SPNS1: variants seen among roughly 807,000 people sequenced by gnomAD.
SPNS1 encodes SPNS lysolipid transporter 1, lysophospholipid.
SPNS1 carries 22 observed loss-of-function variants against 50.3 expected under a neutral mutation model. That is an observed-to-expected ratio of 0.44 (90% CI 0.31 to 0.62). SPNS1 has a LOEUF of 0.62. Among genes scored for constraint, SPNS1 ranks in the 20% least tolerant of loss-of-function variants. SPNS1 has a pLI of 0.07. For missense variants in SPNS1, 576 were observed against 728.6 expected, an observed-to-expected ratio of 0.79 and a Z score of 2.41; for synonymous variants, 295 against 317.4, an observed-to-expected ratio of 0.93 and a Z score of 0.75.
chr16:28,983,221 C>T lies in SPNS1; in HGVS notation c.1251C>T (p.Thr417=), dbSNP rs145586651. Reference sequence around the variant, plus strand: ...TGGTGATCCCTACCCGACGCTCCACCGCCGAGGCCTTCCAGATCGTGCTGT... The same window carrying T: ...TGGTGATCCCTACCCGACGCTCCACTGCCGAGGCCTTCCAGATCGTGCTGT... ...LYVVIPTRRS[T]AEAFQIVLSH... The change falls in exon 10 of 12, where the codon ACC becomes ACT. Residue 417 remains threonine, a synonymous_variant. Coordinates refer to ENST00000311008, the MANE Select transcript of SPNS1 (RefSeq NM_032038.3). This position sits in a 1 kb window ranked among gnomAD's most constrained non-coding sequence, Gnocchi z 5.4. 2,141 of 1,614,038 alleles carry T rather than the reference C, an allele frequency of 1.3e-3. 2 individuals carry two copies. Among genetic ancestry groups the T allele is most frequent in the Non-Finnish European group, 1.6e-3 (1,893 of 1,179,966 alleles).
In SPNS1 at chr16:28,981,726, C is replaced by T. The variant is rs1046839783; in HGVS notation, c.809+111C>T. ...CACACCCCAAGGCCAGTAATTCGGT[C>T]GATACTGTCCCCTTGTGGCAGCTGC... On this transcript the variant is annotated intron_variant, in intron 6 of 11. Coordinates refer to ENST00000311008, the MANE Select transcript of SPNS1 (RefSeq NM_032038.3). The surrounding 1 kb of genome is among the most constrained non-coding windows in gnomAD (Gnocchi z 4.2). 2.0e-5 allele frequency: 30 copies of T among 1,519,908 alleles called. No individual in the cohort carries two copies. In the East Asian group the frequency reaches 3.2e-4, roughly 16 times the overall value. 94.2% of individuals were successfully genotyped at this position (1,519,908 alleles called of 1,614,324 possible).
rs1965289242 is a variant in SPNS1, at chr16:28,975,114, T to C, written c.-38T>C. On this transcript the variant is annotated 5_prime_UTR_variant, in exon 1 of 12. Transcript: ENST00000311008. Reference sequence around the variant, plus strand: ...CTCCCCTCGCAGGTGGGATCGTCGGTGGGACCGGAGCGCGGGCGGGCGCGG... The same window carrying C: ...CTCCCCTCGCAGGTGGGATCGTCGGCGGGACCGGAGCGCGGGCGGGCGCGG... 1.4e-6 allele frequency: 2 copies of C among 1,463,772 alleles called. No individual in the cohort carries two copies. Among genetic ancestry groups the C allele is most frequent in the African/African-American group, 1.4e-5 (1 of 70,540 alleles). The allele number at this position is 1,463,772 out of a possible 1,614,324, so 90.7% of individuals were successfully genotyped here. A position where few individuals can be genotyped will look rare whatever the true frequency, so the allele number is the denominator to read the frequency against.
rs138285628 is a variant in SPNS1, at chr16:28,984,228, A to G, written c.1516A>G (p.Thr506Ala). The G allele has an allele frequency of 6.9e-6, 11 of 1,600,638 alleles. No individual in the cohort carries two copies. The African/African-American group carries it at 1.2e-4, about 17-fold the overall frequency. ...VQGLLHEAGS[T>A]DDRIVVPQRG... ...AGGCCTGCTGCACGAAGCAGGGTCCACAGACGACCGGATTGTGGTGCCCCA... is the reference window on the plus strand; with the variant it reads ...AGGCCTGCTGCACGAAGCAGGGTCCGCAGACGACCGGATTGTGGTGCCCCA... The change falls in exon 12 of 12, where the codon ACA becomes GCA. Residue 506 changes from threonine (T) to alanine (A), a missense_variant. By Grantham distance (58) the Thr-to-Ala change is moderately conservative. Coordinates refer to ENST00000311008, the MANE Select transcript of SPNS1 (RefSeq NM_032038.3).
downstream of SPNS1, chr16:28,984,721 A>G (rs1018574006): frequency 2.6e-6 from 2 of 767,132 alleles, no homozygotes; most frequent in Non-Finnish European, 4.4e-6. Flanking sequence ...GCTGAGTGTG[A>G]CCGTGAGTCA....
In SPNS1 at chr16:28,981,711, G is replaced by C. The variant is rs1965559352; in HGVS notation, c.809+96G>C. 5 of 1,551,448 alleles carry C rather than the reference G, an allele frequency of 3.2e-6. No homozygotes were observed. Among genetic ancestry groups the C allele is most frequent in the Non-Finnish European group, 4.4e-6 (5 of 1,143,954 alleles). On this transcript the variant is annotated intron_variant, in intron 6 of 11. Coordinates refer to ENST00000311008, the MANE Select transcript of SPNS1 (RefSeq NM_032038.3). The surrounding 1 kb of genome is among the most constrained non-coding windows in gnomAD (Gnocchi z 4.2). ...GTTCCTGTTCCTGGCCACACCCCAA[G>C]GCCAGTAATTCGGTCGATACTGTCC...
At chr16:28,976,145 G>A (rs538123747) in intron 2 of SPNS1, among the ~76,000 whole-genome samples, 2 of 152,236 alleles carry the variant, frequency 1.3e-5, no homozygotes, top group East Asian at 1.9e-4. Flanking sequence ...GGTAGCGAGC[G>A]CCTGTAATCC....
At chr16:28,982,253 C>A in intron 7 of SPNS1, 103 bp from the exon 8 acceptor site, 1 of 1,391,690 alleles carries the variant, frequency 7.2e-7, no homozygotes, top group Non-Finnish European at 9.8e-7. Flanking sequence ...CCATGGGGTG[C>A]TGTGTCTGTA....
intron 11 of SPNS1, 83 bp downstream of exon 11, chr16:28,984,040 C>T (rs564540512): frequency 4.0e-6 from 6 of 1,483,114 alleles, no homozygotes; most frequent in South Asian, 1.3e-5. Context: ...GTGCACCTGG[C>T]AGCTCAGTCC....
At position 28,979,235 on chromosome 16, in the gene SPNS1, T is replaced by C; in HGVS notation, c.525T>C (p.Ile175=). The C allele has an allele frequency of 4.3e-6, 7 of 1,614,154 alleles. No individual in the cohort carries two copies. Among genetic ancestry groups the C allele is most frequent in the Non-Finnish European group, 5.9e-6 (7 of 1,180,024 alleles). The stretch of plus-strand genomic sequence containing the variant: ...ATTCCACCATCGCGCCCACTCTCAT[T>C]GCCGACCTCTTTGTGGCCGACCAGC... The part of the protein sequence containing the change: ...ASYSTIAPTL[I]ADLFVADQRS... The change falls in exon 4 of 12, where the codon ATT becomes ATC. Residue 175 remains isoleucine (I), a synonymous_variant. Coordinates refer to ENST00000311008, the MANE Select transcript of SPNS1 (RefSeq NM_032038.3).
At chr16:28,980,853 C>G (rs559012441) in intron 5 of SPNS1, among the ~76,000 whole-genome samples, 20 of 148,302 alleles carry the variant, frequency 1.3e-4, no homozygotes, top group African/African-American at 5.3e-4. Context: ...GACTCTGTCT[C>G]GAAAACAAAC....
At chr16:28,977,793 T>G in intron 2 of SPNS1, 115 bp from the exon 3 acceptor site, 4 of 1,336,676 alleles carry the variant, frequency 3.0e-6, no homozygotes, top group Non-Finnish European at 4.1e-6. Context: ...TGTGGGGGTG[T>G]TGTGAATTCT....
rs1366448680 is a variant in SPNS1, at chr16:28,983,385, G to A, written c.1320+95G>A. On this transcript the variant is annotated intron_variant, in intron 10 of 11. Transcript: ENST00000311008. The surrounding 1 kb of genome is among the most constrained non-coding windows in gnomAD (Gnocchi z 5.4). ...CCCTAGTGAAGTGTCTGTGTCCTGCGTGCTGGGCACTTCTCACCTTCCATT... is the reference window on the plus strand; with the variant it reads ...CCCTAGTGAAGTGTCTGTGTCCTGCATGCTGGGCACTTCTCACCTTCCATT... 2.1e-6 allele frequency: 2 copies of A among 973,800 alleles called. No homozygotes were observed. Among genetic ancestry groups the A allele is most frequent in the Admixed American group, 1.9e-5 (1 of 53,036 alleles). The allele number at this position is 973,800 out of a possible 1,614,324, so 60.3% of individuals were successfully genotyped here. A position where few individuals can be genotyped will look rare whatever the true frequency, so the allele number is the denominator to read the frequency against.
At position 28,983,249 on chromosome 16, in the gene SPNS1, C is replaced by CA; in HGVS notation, c.1280dup (p.His427GlnfsTer5). Reference sequence around the variant, plus strand: ...CGAGGCCTTCCAGATCGTGCTGTCCCACCTGCTGGGTGATGCTGGGAGCCC... The same window carrying CA: ...CGAGGCCTTCCAGATCGTGCTGTCCCAACCTGCTGGGTGATGCTGGGAGCCC... On this transcript the variant is annotated frameshift_variant, in exon 10 of 12. Coordinates refer to ENST00000311008, the MANE Select transcript of SPNS1 (RefSeq NM_032038.3). LOFTEE classifies it high-confidence loss of function. This position sits in a 1 kb window ranked among gnomAD's most constrained non-coding sequence, Gnocchi z 5.4. The CA allele has an allele frequency of 1.2e-6, 2 of 1,614,120 alleles. No homozygotes were observed. The highest frequency in any genetic ancestry group is 1.7e-6 in the Non-Finnish European group (2 of 1,180,002).
Position 28,983,498 on chromosome 16 carries a change from T to C in SPNS1, c.1320+208T>C, listed in dbSNP as rs889079074. Among the ~76,000 whole-genome samples, 2 of 152,158 alleles carry C rather than the reference T, an allele frequency of 1.3e-5. No individual in the cohort carries two copies. Among genetic ancestry groups the C allele is most frequent in the African/African-American group, 4.8e-5 (2 of 41,436 alleles). On this transcript the variant is annotated intron_variant, in intron 10 of 11. Coordinates refer to ENST00000311008, the MANE Select transcript of SPNS1 (RefSeq NM_032038.3). The surrounding 1 kb of genome is among the most constrained non-coding windows in gnomAD (Gnocchi z 5.4). The stretch of plus-strand genomic sequence containing the variant: ...CCTGGTGGTCCAAACTCCTCCTTTC[T>C]TTTCTCTTTTCTTTTCTTCCTGAGA...
chr16:28,983,021 T>C lies in SPNS1; in HGVS notation c.1221+99T>C. ...TACCCCTCAAAGCCCAGCCTCAACC[T>C]ACCTTCTGCAATAAATAACATCTGT... is the stretch of plus-strand genomic sequence containing the variant. On this transcript the variant is annotated intron_variant, in intron 9 of 11. Coordinates refer to ENST00000311008, the MANE Select transcript of SPNS1 (RefSeq NM_032038.3). The surrounding 1 kb of genome is among the most constrained non-coding windows in gnomAD (Gnocchi z 5.4). 7.2e-7 allele frequency: 1 copy of C among 1,385,224 alleles called. No homozygotes were observed. The highest frequency in any genetic ancestry group is 1.0e-6 in the Non-Finnish European group (1 of 979,796). 85.8% of individuals were successfully genotyped at this position (1,385,224 alleles called of 1,614,324 possible).
At position 28,983,504 on chromosome 16, in the gene SPNS1, C is replaced by T. The variant is rs74014834; in HGVS notation, c.1320+214C>T. Among the ~76,000 whole-genome samples, 341 of 152,298 alleles carry T rather than the reference C, an allele frequency of 2.2e-3. 1 individual carries two copies. Among genetic ancestry groups the T allele is most frequent in the African/African-American group, 8.1e-3 (335 of 41,572 alleles). ...GGTCCAAACTCCTCCTTTCTTTTCT[C>T]TTTTCTTTTCTTCCTGAGACAAGAC... On this transcript the variant is annotated intron_variant, in intron 10 of 11. Coordinates refer to ENST00000311008, the MANE Select transcript of SPNS1 (RefSeq NM_032038.3). This position sits in a 1 kb window ranked among gnomAD's most constrained non-coding sequence, Gnocchi z 5.4.
rs1965408128 is a variant in SPNS1, at chr16:28,978,172, A to G, written c.444+128A>G. 13 of 1,307,508 alleles carry G rather than the reference A, an allele frequency of 9.9e-6. No homozygotes were observed. In the South Asian group the frequency reaches 1.8e-4, roughly 18 times the overall value. The allele number at this position is 1,307,508 out of a possible 1,614,324, so 81.0% of individuals were successfully genotyped here. On this transcript the variant is annotated intron_variant, in intron 3 of 11. Coordinates refer to ENST00000311008, the MANE Select transcript of SPNS1 (RefSeq NM_032038.3). Reference sequence around the variant, plus strand: ...CAGTTTCCCTGGTCCATGCCATTTTATACCCCTCCTTGCCTGAGTTAACCT... The same window carrying G: ...CAGTTTCCCTGGTCCATGCCATTTTGTACCCCTCCTTGCCTGAGTTAACCT...
chr16:28,984,208 T>C lies in SPNS1; in HGVS notation c.1496T>C (p.Leu499Pro). 3 of 1,575,768 alleles carry C rather than the reference T, an allele frequency of 1.9e-6. No homozygotes were observed. The highest frequency in any genetic ancestry group is 2.6e-6 in the Non-Finnish European group (3 of 1,159,022). Residue 499 changes from leucine to proline, a missense_variant, in exon 12 of 12, where the codon CTG (leucine) becomes CCG (proline). Physicochemically the swap from Leu to Pro is moderately conservative, Grantham distance 98 (BLOSUM62 -3). This residue lies in a region of SPNS1 where 428 missense variants were observed against 520.1 expected (regional missense o/e 0.82). Transcript: ENST00000311008. ...RRRAQLHVQG[L>P]LHEAGSTDDR... ...GGCTCTGACCCTCCCCCCTCAGGCC[T>C]GCTGCACGAAGCAGGGTCCACAGAC... is the stretch of plus-strand genomic sequence containing the variant.
rs369738293 is a variant in SPNS1 at position 28,981,141 on chromosome 16, C to T, written c.664-329C>T. On this transcript the variant is annotated intron_variant, in intron 5 of 11. Transcript: ENST00000311008. The surrounding 1 kb of genome is among the most constrained non-coding windows in gnomAD (Gnocchi z 4.2). ...ATGAACATGCATCACGTGCCCTCTG[C>T]GGAATCCGTCACCGAGGCTGGGGTG... Among the ~76,000 whole-genome samples the T allele has an allele frequency of 4.6e-5, 7 of 152,174 alleles. No homozygotes were observed. The highest frequency in any genetic ancestry group is 1.9e-4 in the East Asian group (1 of 5,194).
Sources: gnomAD v4.1 joint callset for allele counts (sites outside exome capture counted in the v4.1 genomes callset) on GRCh38, gnomAD v4.1.1 for gene constraint, gnomAD v4.1.1 regional missense constraint, Gnocchi (gnomAD v3.1) non-coding constraint, MANE v1.5 for transcripts, NCBI Gene and HGNC (gene_info 2026-07-23, HGNC 2026-07-21) for gene names.